The following ABCA13 variants were observed in gnomAD, a reference collection of about 807,000 sequenced individuals.
ABCA13 encodes ATP-binding cassette sub-family A member 13.
ABCA13 carries 476 observed loss-of-function variants against 478.7 expected under a neutral mutation model. The ratio of observed to expected loss-of-function variants is 0.99; its 90% CI spans 0.92 to 1.07. The LOEUF is 1.07. Among genes scored for constraint, ABCA13 ranks in the 50% least tolerant of loss-of-function variants. ABCA13 has a pLI of 0.00. For synonymous variants in ABCA13, 2,252 were observed against 2,158.9 expected, an observed-to-expected ratio of 1.04 and a Z score of -1.20; for missense variants, 6,060 against 5,910.6, an observed-to-expected ratio of 1.03 and a Z score of -0.83.
chr7:48,428,881 C>G (rs1211609782), intron 42 of ABCA13, among the ~76,000 whole-genome samples: 1 of 152,166 alleles, frequency 6.6e-6, no homozygotes, highest in African/African-American at 2.4e-5. Context: ...CATTCATCAC[C>G]ACAATCAACC....
At chr7:48,545,644 T>C (rs1784753149) in intron 55 of ABCA13, among the ~76,000 whole-genome samples, 1 of 151,150 alleles carries the variant, frequency 6.6e-6, no homozygotes, top group Admixed American at 6.6e-5. Context: ...ATAGATAAAT[T>C]AATGGCTATC....
At chr7:48,335,928 C>T (rs1806192873) in intron 28 of ABCA13, among the ~76,000 whole-genome samples, 1 of 152,162 alleles carries the variant, frequency 6.6e-6, no homozygotes, top group African/African-American at 2.4e-5. Flanking sequence ...GGCCTGACTC[C>T]ATTAGAGTCT....
intron 48 of ABCA13, among the ~76,000 whole-genome samples, chr7:48,498,297 T>C (rs1391221329): frequency 6.6e-6 from 1 of 152,144 alleles, no homozygotes; most frequent in Admixed American, 6.5e-5. Flanking sequence ...CTTTTCCGGG[T>C]CCTTGGGTTT....
chr7:48,219,566 G>A, intron 4 of ABCA13, 61 bp downstream of exon 4: 1 of 1,545,614 alleles, frequency 6.5e-7, no homozygotes, highest in Non-Finnish European at 8.7e-7. Flanking sequence ...GGAGAGCTGT[G>A]GAGGCTATGA....
intron 47 of ABCA13, among the ~76,000 whole-genome samples, chr7:48,485,318 C>A (rs1030732984): frequency 6.6e-6 from 1 of 151,716 alleles, no homozygotes; most frequent in African/African-American, 2.4e-5. Flanking sequence ...ATAGTATGTT[C>A]CTAAAAGAAG....
rs564279188 is a variant in ABCA13, at chr7:48,509,379, A to G, written c.13524+1330A>G. ...TGCCGTCTGTCATTTAACAGTGTCT[A>G]AGGGCCACAACTTTCCCAGATAAAA... On this transcript the variant is annotated intron_variant, in intron 50 of 61. Transcript: ENST00000435803. Among the ~76,000 whole-genome samples, 54 of 152,266 alleles carry G rather than the reference A, an allele frequency of 3.5e-4. No individual in the cohort carries two copies. In the South Asian group the frequency reaches 8.7e-3, roughly 25 times the overall value.
intron 31 of ABCA13, among the ~76,000 whole-genome samples, chr7:48,365,386 T>G (rs934193239): frequency 2.0e-5 from 3 of 152,188 alleles, no homozygotes; most frequent in Non-Finnish European, 1.5e-5. Flanking sequence ...CTTTGCTGAT[T>G]GTTTCCTTTG....
chr7:48,585,179 G>A (rs1270260902), intron 56 of ABCA13, among the ~76,000 whole-genome samples: 1 of 152,052 alleles, frequency 6.6e-6, no homozygotes, highest in African/African-American at 2.4e-5. Flanking sequence ...ATTTGTGTTT[G>A]TTTGCTTGTG....
chr7:48,297,075 T>C (rs1799483461), intron 21 of ABCA13, among the ~76,000 whole-genome samples, 157 bp from the exon 22 acceptor site: 1 of 152,180 alleles, frequency 6.6e-6, no homozygotes, highest in Admixed American at 6.5e-5. Context: ...ACAGATGGTA[T>C]TGGGAGACAT....
chr7:48,177,089 T>G (rs2128858711), intron 1 of ABCA13, among the ~76,000 whole-genome samples: 1 of 152,358 alleles, frequency 6.6e-6, no homozygotes, highest in Non-Finnish European at 1.5e-5. Context: ...ACAATTTCTG[T>G]ATTTTTCTGA....
intron 55 of ABCA13, among the ~76,000 whole-genome samples, chr7:48,576,206 A>C (rs1314378122): frequency 1.3e-5 from 2 of 152,004 alleles, no homozygotes. Context: ...CCCCCCATGG[A>C]TATAGAAAAA....
chr7:48,462,147 A>G (rs1826317613), intron 43 of ABCA13, among the ~76,000 whole-genome samples: 2 of 152,160 alleles, frequency 1.3e-5, no homozygotes, highest in Admixed American at 1.3e-4. Flanking sequence ...CTAAAGGAAG[A>G]GTGTGAGTAA....
intron 1 of ABCA13, among the ~76,000 whole-genome samples, chr7:48,174,334 C>G (rs1404816459): frequency 6.6e-6 from 1 of 151,636 alleles, no homozygotes; most frequent in Non-Finnish European, 1.5e-5. Context: ...AATAGATGTA[C>G]ATAGTGTCAG....
chr7:48,238,995 T>C (rs758327071), intron 8 of ABCA13, among the ~76,000 whole-genome samples: 3 of 152,206 alleles, frequency 2.0e-5, no homozygotes, highest in Non-Finnish European at 4.4e-5. Context: ...TTTGATGTCA[T>C]CTCCATGTCC....
intron 44 of ABCA13, among the ~76,000 whole-genome samples, chr7:48,467,918 A>G (rs1240173599): frequency 6.6e-6 from 1 of 152,220 alleles, no homozygotes; most frequent in East Asian, 1.9e-4. Context: ...GAATTAATAG[A>G]TAATTATGCT....
rs2361519 is a variant in ABCA13, at chr7:48,248,243, G to C, written c.1664G>C (p.Arg555Pro). 1.2e-6 allele frequency: 2 copies of C among 1,610,902 alleles called. No homozygotes were observed. Among genetic ancestry groups the C allele is most frequent in the African/African-American group, 2.7e-5 (2 of 74,856 alleles). The change falls in exon 14 of 62, where the codon CGT (arginine) becomes CCT (proline). Residue 555 changes from arginine to proline, a missense_variant. Transcript: ENST00000435803. ...ATATCTTCTTTTCTTGTTAAGGATC[G>C]TATTTTGCAAGAGGTCATTACTTGG... ...KLLGSVEDAD[R>P]ILQEVITWHK...
chr7:48,533,512 G>C, intron 55 of ABCA13, among the ~76,000 whole-genome samples: 1 of 152,020 alleles, frequency 6.6e-6, no homozygotes, highest in East Asian at 1.9e-4. Flanking sequence ...GAGTCCATTT[G>C]TTCTAGGGTA....
chr7:48,570,076 GA>G (rs1333701795), intron 55 of ABCA13, among the ~76,000 whole-genome samples: 1 of 151,770 alleles, frequency 6.6e-6, no homozygotes, highest in Non-Finnish European at 1.5e-5. Context: ...TTCTATTGTT[GA>G]ATTGTCTATT....
intron 20 of ABCA13, among the ~76,000 whole-genome samples, chr7:48,293,148 C>T (rs1251631087): frequency 2.0e-5 from 3 of 149,030 alleles, no homozygotes; most frequent in Non-Finnish European, 1.5e-5. Context: ...GGCATGAGTG[C>T]TCTGATCATG....
Sources: allele counts gnomAD v4.1 joint callset (sites outside exome capture counted in the v4.1 genomes callset), GRCh38; gene constraint gnomAD v4.1.1; transcripts MANE v1.5; gene names NCBI Gene and HGNC (gene_info 2026-07-23, HGNC 2026-07-21).